Variants in IARS2 observed in about 807,000 individuals in gnomAD.
IARS2 encodes the protein isoleucine--tRNA ligase, mitochondrial.
IARS2 carries 56 observed loss-of-function variants against 126.3 expected under a neutral mutation model. The observed-to-expected ratio is 0.44, with a 90% CI of 0.36 to 0.55. The LOEUF (loss-of-function observed/expected upper bound fraction) is 0.55. Ranked by LOEUF, IARS2 falls within the 20% of genes least tolerant of loss-of-function variation. The pLI is 0.00. For missense variants in IARS2, 1,127 were observed against 1,245.9 expected, an observed-to-expected ratio of 0.90 and a Z score of 1.44; for synonymous variants, 407 against 441.1, an observed-to-expected ratio of 0.92 and a Z score of 0.97.
rs758342230 is a variant in IARS2 at position 220,102,682 on chromosome 1, C to T, written c.860-5C>T. The T allele has an allele frequency of 1.2e-6, 2 of 1,607,194 alleles. No individual in the cohort carries two copies. Among genetic ancestry groups the T allele is most frequent in the Admixed American group, 1.7e-5 (1 of 60,024 alleles). On this transcript the variant is annotated splice_region_variant and splice_polypyrimidine_tract_variant and intron_variant, in intron 6 of 22. Transcript: ENST00000366922. ...GCTAACATATTTACAATTGTATTTT[C>T]ACAGATGGTTCATCTCCTGTTAGTA...
At chr1:220,118,153 C>G in intron 12 of IARS2, 2 of 499,568 alleles carry the variant, frequency 4.0e-6, no homozygotes, top group South Asian at 3.0e-5. Flanking sequence ...TATATTGTAG[C>G]AAGTTGGTAA....
chr1:220,143,890 G>A, intron 21 of IARS2: 3 of 741,984 alleles, frequency 4.0e-6, no homozygotes, highest in Non-Finnish European at 6.8e-6. Context: ...TGCTTAAGAA[G>A]AGAATTGGCA....
intron 12 of IARS2, among the ~76,000 whole-genome samples, chr1:220,123,027 G>A (rs2102830569): frequency 6.7e-6 from 1 of 149,894 alleles, no homozygotes; most frequent in South Asian, 2.1e-4. Context: ...AATTGTAATT[G>A]TGCGTATGTG....
Position 220,139,019 on chromosome 1 carries a change from A to G in IARS2, c.2187A>G (p.Thr729=). 6.2e-7 allele frequency: 1 copy of G among 1,613,390 alleles called. No individual in the cohort carries two copies. The highest frequency in any genetic ancestry group is 8.5e-7 in the Non-Finnish European group (1 of 1,179,718). ...ARDDISKLRN[T]LRFLLGNVAD... is the part of the protein sequence containing the mutation. ...CTTCCTATGAATAGCTTAGGAATAC[A>G]CTTCGCTTTCTTTTGGGAAATGTGG... Residue 729 remains threonine (T), a synonymous_variant, in exon 18 of 23, where the codon ACA becomes ACG. Transcript: ENST00000366922.
At chr1:220,128,451 T>C (rs1657195711) in intron 14 of IARS2, among the ~76,000 whole-genome samples, 1 of 152,222 alleles carries the variant, frequency 6.6e-6, no homozygotes, top group South Asian at 2.1e-4. Flanking sequence ...CTATGCCATG[T>C]TGGCTAGGTG....
At chr1:220,120,201 C>T (rs1263503776) in intron 12 of IARS2, among the ~76,000 whole-genome samples, 2 of 151,688 alleles carry the variant, frequency 1.3e-5, no homozygotes, top group African/African-American at 4.8e-5. Context: ...CCTTCTTCAG[C>T]CTCCCAAGTA....
chr1:220,144,071 G>A lies in IARS2; in HGVS notation c.2751+937G>A, dbSNP rs549258584. 9 of 1,228,648 alleles carry A rather than the reference G, an allele frequency of 7.3e-6. No homozygotes were observed. In the East Asian group the frequency reaches 2.1e-4, roughly 28 times the overall value. The allele number at this position is 1,228,648 out of a possible 1,614,324, so 76.1% of individuals were successfully genotyped here. A position where few individuals can be genotyped will look rare whatever the true frequency, so the allele number is the denominator to read the frequency against. Reference sequence around the variant, plus strand: ...ATGAAACCAAACTGGCGGGATGGAAGCAGATTATTTTGCCATTTTTCTAGA... The same window carrying A: ...ATGAAACCAAACTGGCGGGATGGAAACAGATTATTTTGCCATTTTTCTAGA... On this transcript the variant is annotated intron_variant, in intron 21 of 22. Transcript: ENST00000366922.
At chr1:220,100,732 C>CTTTTGTTTG in intron 3 of IARS2, 83 bp downstream of exon 3, 1 of 1,105,356 alleles carries the variant, frequency 9.0e-7, no homozygotes, top group Non-Finnish European at 1.3e-6. Flanking sequence ...CCAAAGGAAC[C>CTTTTGTTTG]TTTTGTTTGG....
At chr1:220,115,970 C>G (rs1372220161) in intron 12 of IARS2, among the ~76,000 whole-genome samples, 1 of 152,128 alleles carries the variant, frequency 6.6e-6, no homozygotes, top group Non-Finnish European at 1.5e-5. Flanking sequence ...CCTGTAATCC[C>G]AGCACTTTGG....
At chr1:220,132,419 T>A (rs1183717080) in intron 14 of IARS2, among the ~76,000 whole-genome samples, 2 of 152,158 alleles carry the variant, frequency 1.3e-5, no homozygotes, top group African/African-American at 4.8e-5. Context: ...CAGGGGTTTA[T>A]CCATTTCCTC....
At chr1:220,141,202 A>G (rs1657485988) in intron 19 of IARS2, among the ~76,000 whole-genome samples, 1 of 152,192 alleles carries the variant, frequency 6.6e-6, no homozygotes, top group African/African-American at 2.4e-5. Flanking sequence ...CATCACTACT[A>G]ATATCAGACG....
intron 1 of IARS2, 40 bp downstream of exon 1, chr1:220,094,523 C>G (rs777236685): frequency 3.3e-6 from 5 of 1,497,366 alleles, no homozygotes; most frequent in South Asian, 2.6e-5. Flanking sequence ...CAGAGAGGCC[C>G]GATCCGGCCG....
chr1:220,116,502 TAAG>T (rs1205596840), intron 12 of IARS2, among the ~76,000 whole-genome samples: 1 of 152,078 alleles, frequency 6.6e-6, no homozygotes, highest in Non-Finnish European at 1.5e-5. Flanking sequence ...ATTATGCTAT[TAAG>T]AAGTTTAAAC....
chr1:220,147,229 G>T (rs1277573234), intron 22 of IARS2, among the ~76,000 whole-genome samples: 2 of 152,182 alleles, frequency 1.3e-5, no homozygotes, highest in African/African-American at 4.8e-5. Context: ...TGCTCTGCCT[G>T]AGTAGATGTA....
At chr1:220,110,639 C>T in intron 10 of IARS2, 147 bp from the exon 11 acceptor site, 1 of 631,588 alleles carries the variant, frequency 1.6e-6, no homozygotes, top group South Asian at 1.9e-5. Context: ...GCTGGGATTA[C>T]AGGTGTGAGC....
chr1:220,127,930 G>GA (rs1657186606), intron 14 of IARS2, among the ~76,000 whole-genome samples: 1 of 152,046 alleles, frequency 6.6e-6, no homozygotes, highest in East Asian at 1.9e-4. Context: ...ATATTCGAGA[G>GA]AAAATACTGC....
At chr1:220,145,747 GTAGATATATAC>G in intron 22 of IARS2, 94 bp downstream of exon 22, 1 of 1,000,250 alleles carries the variant, frequency 1.0e-6, no homozygotes, top group Non-Finnish European at 1.4e-6. Context: ...TATTCTAAAG[GTAGATATATAC>G]TTGGAATACA....
intron 10 of IARS2, among the ~76,000 whole-genome samples, 191 bp downstream of exon 10, chr1:220,107,342 G>A (rs1656702785): frequency 6.6e-6 from 1 of 152,230 alleles, no homozygotes; most frequent in South Asian, 2.1e-4. Context: ...ATTTAAGCAA[G>A]TCAGGGCAGT....
chr1:220,130,669 T>C (rs997367437), intron 14 of IARS2, among the ~76,000 whole-genome samples: 21 of 152,172 alleles, frequency 1.4e-4, no homozygotes, highest in Admixed American at 6.5e-5. Flanking sequence ...GCCATTCTCC[T>C]GCCCCAGCCT....
Sources: allele counts gnomAD v4.1 joint callset (sites outside exome capture counted in the v4.1 genomes callset), GRCh38; gene constraint gnomAD v4.1.1; transcripts MANE v1.5; gene names NCBI Gene and HGNC (gene_info 2026-07-23, HGNC 2026-07-21).